Variants in LMBR1 observed in about 807,000 individuals in gnomAD.
The protein encoded by LMBR1 is limb development membrane protein 1, also known as limb region 1 protein homolog.
In LMBR1, 52 loss-of-function variants were observed where a neutral mutation model predicts 73.9. The ratio of observed to expected loss-of-function variants is 0.70; its 90% CI spans 0.56 to 0.89. The LOEUF is 0.89. Ranked by LOEUF, LMBR1 falls within the 40% of genes least tolerant of loss-of-function variation. The probability of loss-of-function intolerance (pLI) is 0.00; values close to 1 mark genes in which losing one functional copy is unlikely to be tolerated. For synonymous variants in LMBR1, 215 were observed against 209.4 expected (o/e 1.03, Z -0.23); for missense variants, 539 against 579.8 (o/e 0.93, Z 0.72).
chr7:156,833,835 C>T (rs748484301), intron 2 of LMBR1, 43 bp from the exon 3 acceptor site: 2 of 1,189,700 alleles, frequency 1.7e-6, no homozygotes, highest in African/African-American at 1.5e-5. Context: ...TATCTTCTAA[C>T]AAAATGCGTC....
intron 15 of LMBR1, among the ~76,000 whole-genome samples, chr7:156,690,704 C>T (rs970621722): frequency 6.6e-6 from 1 of 151,584 alleles, no homozygotes; most frequent in Non-Finnish European, 1.5e-5. Context: ...TATAGTGCAC[C>T]GAAGAAATAG....
At chr7:156,888,104 G>C (rs563100651) in intron 1 of LMBR1, among the ~76,000 whole-genome samples, 1 of 152,250 alleles carries the variant, frequency 6.6e-6, no homozygotes, top group East Asian at 1.9e-4. Flanking sequence ...TGGTATGGCA[G>C]TTCCTCAAAA....
chr7:156,732,951 A>G (rs1817132432), intron 10 of LMBR1, among the ~76,000 whole-genome samples: 1 of 152,104 alleles, frequency 6.6e-6, no homozygotes, highest in Non-Finnish European at 1.5e-5. Flanking sequence ...TGAGATCAGC[A>G]TGGCCAACAT....
intron 9 of LMBR1, among the ~76,000 whole-genome samples, chr7:156,735,554 T>TTTTC (rs1433410514): frequency 6.6e-6 from 1 of 151,348 alleles, no homozygotes; most frequent in African/African-American, 2.4e-5. Context: ...TGGTGTTTTT[T>TTTTC]TTTTTTTCAT....
chr7:156,828,477 A>T (rs1836086693), intron 3 of LMBR1, among the ~76,000 whole-genome samples: 1 of 152,178 alleles, frequency 6.6e-6, no homozygotes, highest in Non-Finnish European at 1.5e-5. Context: ...GTTTCCCCAA[A>T]TATCTGACAT....
chr7:156,676,387 C>T (rs1804044928), downstream of LMBR1: 2 of 1,614,036 alleles, frequency 1.2e-6, no homozygotes, highest in Non-Finnish European at 1.7e-6. Flanking sequence ...GAAACTAACC[C>T]GCGTGGCCTC....
chr7:156,852,734 C>T (rs1796403677), intron 1 of LMBR1, among the ~76,000 whole-genome samples: 2 of 152,182 alleles, frequency 1.3e-5, no homozygotes, highest in Admixed American at 1.3e-4. Context: ...AATCGTGCTA[C>T]TAGCATCTGG....
At chr7:156,809,629 G>A (rs1436726491) in intron 4 of LMBR1, among the ~76,000 whole-genome samples, 1 of 152,116 alleles carries the variant, frequency 6.6e-6, no homozygotes, top group Non-Finnish European at 1.5e-5. Context: ...CAATATTTGT[G>A]ATCCGTGGTT....
intron 5 of LMBR1, among the ~76,000 whole-genome samples, chr7:156,794,214 C>T (rs7793080): frequency 0.018 from 2,689 of 152,164 alleles, 84 homozygotes; most frequent in African/African-American, 0.061. Flanking sequence ...GCTGGTGACC[C>T]TCGAGTGATT....
intron 1 of LMBR1, among the ~76,000 whole-genome samples, chr7:156,875,485 C>G (rs928967599): frequency 6.6e-6 from 1 of 152,074 alleles, no homozygotes; most frequent in Non-Finnish European, 1.5e-5. Context: ...GGAAATTAAT[C>G]GTAAAAAGAT....
intron 2 of LMBR1, among the ~76,000 whole-genome samples, chr7:156,834,219 T>C (rs920342629): frequency 3.3e-5 from 5 of 152,152 alleles, no homozygotes; most frequent in Admixed American, 6.5e-5. Flanking sequence ...ATAATATGAA[T>C]TTGTCATTAA....
chr7:156,834,500 G>C, intron 2 of LMBR1: 1 of 294,054 alleles, frequency 3.4e-6, no homozygotes, highest in Non-Finnish European at 6.8e-6. Flanking sequence ...ATACTCAGGA[G>C]GCTGAGGTTG....
intron 16 of LMBR1, 39 bp downstream of exon 16, chr7:156,687,991 G>A (rs369768823): frequency 2.2e-5 from 33 of 1,502,304 alleles, no homozygotes; most frequent in Non-Finnish European, 6.2e-6. Flanking sequence ...AAATTATTTA[G>A]TAGAAAGAGG....
intron 1 of LMBR1, among the ~76,000 whole-genome samples, chr7:156,856,174 G>A (rs999836592): frequency 5.9e-5 from 9 of 152,084 alleles, no homozygotes; most frequent in Non-Finnish European, 1.0e-4. Flanking sequence ...CAGCCAGGGC[G>A]ACAGAGCAAG....
At chr7:156,831,354 T>TACACAGA (rs1051364310) in intron 3 of LMBR1, among the ~76,000 whole-genome samples, 2 of 150,136 alleles carry the variant, frequency 1.3e-5, no homozygotes, top group Non-Finnish European at 3.0e-5. Context: ...CTGTTTTACA[T>TACACAGA]ACACAGAAAG....
chr7:156,794,021 G>A (rs1169143763), intron 5 of LMBR1, among the ~76,000 whole-genome samples: 6 of 151,958 alleles, frequency 3.9e-5, no homozygotes, highest in African/African-American at 7.3e-5. Context: ...TTCCTTTAAC[G>A]GCATTAACAA....
In LMBR1 at chr7:156,669,833, C is replaced by T. The variant is rs1303586179; in HGVS notation, n.867-546G>A. On this transcript the variant is annotated intron_variant and non_coding_transcript_variant, in intron 4 of 4. Coordinates refer to the LMBR1 transcript ENST00000430825. This position sits in a 1 kb window ranked among gnomAD's most constrained non-coding sequence, Gnocchi z 4.2. ...GGAGGCTCAAAATAACCAGATGAGA[C>T]GTGCAGTTGGGCCTGCAGCACGCAG... 2.6e-5 allele frequency among the ~76,000 whole-genome samples: 4 copies of T among 152,172 alleles called. No individual in the cohort carries two copies. Among genetic ancestry groups the T allele is most frequent in the African/African-American group, 9.6e-5 (4 of 41,456 alleles).
chr7:156,889,874 C>G (rs1379164670), intron 1 of LMBR1, among the ~76,000 whole-genome samples: 7 of 152,138 alleles, frequency 4.6e-5, no homozygotes, highest in Non-Finnish European at 1.0e-4. Flanking sequence ...CTGTATGATT[C>G]AAGCCTGTAG....
intron 5 of LMBR1, among the ~76,000 whole-genome samples, chr7:156,787,970 T>C (rs1160279705): frequency 6.6e-6 from 1 of 152,288 alleles, no homozygotes; most frequent in African/African-American, 2.4e-5. Context: ...AGAGACAGTG[T>C]TTCACCATGT....
Sources: allele counts gnomAD v4.1 joint callset (sites outside exome capture counted in the v4.1 genomes callset), GRCh38; gene constraint gnomAD v4.1.1; non-coding constraint Gnocchi (gnomAD v3.1); transcripts MANE v1.5; gene names NCBI Gene and HGNC (gene_info 2026-07-23, HGNC 2026-07-21).